KCNJ13: variants seen among roughly 807,000 people sequenced by gnomAD.
KCNJ13 encodes inward rectifier potassium channel 13.
In KCNJ13, 9 loss-of-function variants were observed where a neutral mutation model predicts 24.6. The observed-to-expected ratio is 0.37, with a 90% CI of 0.22 to 0.64. The LOEUF (loss-of-function observed/expected upper bound fraction) is 0.64, where lower values mean the gene tolerates loss of function less well. KCNJ13 is among the 30% of genes least tolerant of loss of function. The pLI is 0.64. For missense variants in KCNJ13, 337 were observed against 443.8 expected, an observed-to-expected ratio of 0.76 and a Z score of 2.16; for synonymous variants, 148 against 154.7, an observed-to-expected ratio of 0.96 and a Z score of 0.32.
chr2:232,775,445 ATTTCT>A (rs1195951153), intron 1 of KCNJ13, among the ~76,000 whole-genome samples: 2 of 152,146 alleles, frequency 1.3e-5, no homozygotes, highest in African/African-American at 4.8e-5. Flanking sequence ...TTCCTATATG[ATTTCT>A]TTTATTTCTG....
intron 1 of KCNJ13, among the ~76,000 whole-genome samples, chr2:232,775,218 T>G (rs775403851): frequency 1.4e-4 from 21 of 152,134 alleles, no homozygotes; most frequent in Non-Finnish European, 2.6e-4. Flanking sequence ...TGGTTTAGTG[T>G]AGAGAACGCA....
Position 232,766,979 on chromosome 2 carries a change from T to C in KCNJ13, c.*1212A>G, listed in dbSNP as rs1040122587. The C allele has an allele frequency of 7.9e-5, 12 of 152,186 alleles. No homozygotes were observed. The highest frequency in any genetic ancestry group is 2.9e-4 in the African/African-American group (12 of 41,450). The allele number at this position is 152,186 out of a possible 1,614,324, so 9.4% of individuals were successfully genotyped here. ...TGTTTTAAGGACAGTTTCTCTTTTT[T>C]TTATTGAAATGAAAATCATGCAAAT... On this transcript the variant is annotated 3_prime_UTR_variant, in exon 3 of 3. Transcript: ENST00000233826.
rs760027526 is a variant in KCNJ13, at chr2:232,771,071, T to C, written c.292A>G (p.Ile98Val). Reference protein sequence around the residue: ...DHDAPPENHTICVKYITSFTA... With the variant: ...DHDAPPENHTVCVKYITSFTA... ...AAACTGGTGATATACTTGACACAGA[T>C]AGTGTGGTTTTCAGGTGGGGCATCA... Residue 98 changes from isoleucine to valine, a missense_variant, in exon 2 of 3, where the codon ATC becomes GTC. This residue lies in a region of KCNJ13 where 101 missense variants were observed against 139.2 expected (regional missense o/e 0.73). Coordinates refer to ENST00000233826, the MANE Select transcript of KCNJ13 (RefSeq NM_002242.4). The C allele has an allele frequency of 1.2e-5, 20 of 1,613,976 alleles. No individual in the cohort carries two copies. The South Asian group carries it at 2.2e-4, about 18-fold the overall frequency.
At position 232,776,435 on chromosome 2, in the gene KCNJ13, A is replaced by G. The variant is rs763743376; in HGVS notation, c.-17+10T>C. The G allele has an allele frequency of 3.1e-6, 5 of 1,600,986 alleles. No homozygotes were observed. Among genetic ancestry groups the G allele is most frequent in the Non-Finnish European group, 4.3e-6 (5 of 1,170,862 alleles). The stretch of plus-strand genomic sequence containing the variant: ...AGGAAAGAAGAATGGATATTATTGC[A>G]TGTACTCACCAGTTCTTTTGCTGGG... On this transcript the variant is annotated intron_variant, in intron 1 of 2. Coordinates refer to ENST00000233826, the MANE Select transcript of KCNJ13 (RefSeq NM_002242.4).
chr2:232,768,695 G>C lies in KCNJ13; in HGVS notation c.579C>G (p.Asn193Lys). ...CACTGGTTAGAGGGCTAGGTCGGGT[G>C]TTGGCCACTTGGAAGATAAGATTAG... is the stretch of plus-strand genomic sequence containing the variant. ...GKPNLIFQVANTRPSPLTSVR... is the reference protein window; with the variant it reads ...GKPNLIFQVAKTRPSPLTSVR... Residue 193 changes from asparagine to lysine, a missense_variant, in exon 3 of 3, where the codon AAC (asparagine) becomes AAG (lysine). This residue lies in a region of KCNJ13 where 235 missense variants were observed against 286.9 expected (regional missense o/e 0.82). Transcript: ENST00000233826. 1 of 1,606,088 alleles carries C rather than the reference G, an allele frequency of 6.2e-7. No homozygotes were observed. Among genetic ancestry groups the C allele is most frequent in the Non-Finnish European group, 8.5e-7 (1 of 1,173,678 alleles).
chr2:232,775,910 A>C (rs189495746), intron 1 of KCNJ13, among the ~76,000 whole-genome samples: 1 of 152,332 alleles, frequency 6.6e-6, no homozygotes, highest in African/African-American at 2.4e-5. Flanking sequence ...AACACTATTG[A>C]GTTCTAACCC....
In KCNJ13 at chr2:232,771,021, C is replaced by G; in HGVS notation, c.342G>C (p.Leu114=). The G allele has an allele frequency of 6.2e-7, 1 of 1,613,954 alleles. No homozygotes were observed. Among genetic ancestry groups the G allele is most frequent in the African/African-American group, 1.3e-5 (1 of 74,982 alleles). ...CATAACCAATTGTGAGTTGTGTCTC[C>G]AGGGAGAAGGAGAATGCAGCTGTGA... ...TSFTAAFSFS[L]ETQLTIGYGT... is the part of the protein sequence containing the mutation. The change falls in exon 2 of 3, where the codon CTG becomes CTC. Residue 114 remains leucine, a synonymous_variant. Coordinates refer to ENST00000233826, the MANE Select transcript of KCNJ13 (RefSeq NM_002242.4).
intron 2 of KCNJ13, 35 bp downstream of exon 2, chr2:232,770,864 TTTTG>T (rs1473386665): frequency 2.0e-6 from 3 of 1,467,416 alleles, no homozygotes; most frequent in Admixed American, 1.7e-5. Flanking sequence ...TTTGTTTTGT[TTTTG>T]TTTTTGTTTT....
rs776619856 is a variant in KCNJ13, at chr2:232,765,870, A to G, written c.*2321T>C. On this transcript the variant is annotated 3_prime_UTR_variant, in exon 3 of 3. Coordinates refer to ENST00000233826, the MANE Select transcript of KCNJ13 (RefSeq NM_002242.4). ...AACGACATGCCTCCAGTTTGTTGAA[A>G]CTGTCATGCTATCTTTATCAGTTTC... 4 of 464,074 alleles carry G rather than the reference A, an allele frequency of 8.6e-6. No individual in the cohort carries two copies. Among genetic ancestry groups the G allele is most frequent in the Non-Finnish European group, 1.8e-5 (4 of 223,252 alleles). The allele number at this position is 464,074 out of a possible 1,614,324, so 28.7% of individuals were successfully genotyped here.
intron 1 of KCNJ13, among the ~76,000 whole-genome samples, chr2:232,773,829 C>T (rs769190009): frequency 7.5e-5 from 11 of 145,836 alleles, no homozygotes; most frequent in Admixed American, 1.4e-4. Context: ...CCCAGCACTT[C>T]GGGAGGCCGA....
At chr2:232,770,031 A>C (rs1699167383) in intron 2 of KCNJ13, among the ~76,000 whole-genome samples, 1 of 152,160 alleles carries the variant, frequency 6.6e-6, no homozygotes, top group Non-Finnish European at 1.5e-5. Flanking sequence ...GTTAGTGCCA[A>C]GAGATACAAG....
rs1272431663 is a variant in KCNJ13 at position 232,766,139 on chromosome 2, G to C, written c.*2052C>G. On this transcript the variant is annotated 3_prime_UTR_variant, in exon 3 of 3. Transcript: ENST00000233826. ...AAACTGTGATTTGAAATAAGTGAAA[G>C]AAACAATGAACAGTCCTCCCAGAAA... Among the ~76,000 whole-genome samples the C allele has an allele frequency of 6.6e-6, 1 of 152,144 alleles. No individual in the cohort carries two copies. Among genetic ancestry groups the C allele is most frequent in the Non-Finnish European group, 1.5e-5 (1 of 67,998 alleles).
chr2:232,770,780 C>G, intron 2 of KCNJ13, 123 bp downstream of exon 2: 2 of 706,648 alleles, frequency 2.8e-6, no homozygotes, highest in Non-Finnish European at 4.8e-6. Context: ...TACCTGCTAT[C>G]AATATAGATA....
intron 1 of KCNJ13, among the ~76,000 whole-genome samples, chr2:232,774,954 T>G (rs1288809930): frequency 1.3e-5 from 2 of 152,230 alleles, no homozygotes; most frequent in Admixed American, 1.3e-4. Flanking sequence ...TTTGTAGCAC[T>G]CTTACTCTAG....
chr2:232,772,637 G>C (rs1341307559), intron 1 of KCNJ13, among the ~76,000 whole-genome samples: 2 of 152,176 alleles, frequency 1.3e-5, no homozygotes, highest in Non-Finnish European at 1.5e-5. Flanking sequence ...AGACTTTAGT[G>C]TAGCAGTTAC....
chr2:232,768,025 A>G lies in KCNJ13; in HGVS notation c.*166T>C. 1.5e-6 allele frequency: 1 copy of G among 660,774 alleles called. No individual in the cohort carries two copies. Among genetic ancestry groups the G allele is most frequent in the East Asian group, 2.7e-5 (1 of 36,734 alleles). The allele number at this position is 660,774 out of a possible 1,614,324, so 40.9% of individuals were successfully genotyped here. A position where few individuals can be genotyped will look rare whatever the true frequency, so the allele number is the denominator to read the frequency against. On this transcript the variant is annotated 3_prime_UTR_variant, in exon 3 of 3. Coordinates refer to ENST00000233826, the MANE Select transcript of KCNJ13 (RefSeq NM_002242.4). ...TTGTAATGTAGAGTGTTATGTTTCC[A>G]GAATGTGTATTGTTAGCTCAGCCAT...
At chr2:232,775,827 T>A (rs1195891023) in intron 1 of KCNJ13, among the ~76,000 whole-genome samples, 2 of 152,242 alleles carry the variant, frequency 1.3e-5, no homozygotes, top group Non-Finnish European at 2.9e-5. Context: ...TATTTGTTCA[T>A]GTCTGGTGTA....
chr2:232,771,751 C>A (rs1013049698), intron 1 of KCNJ13, among the ~76,000 whole-genome samples: 1 of 152,114 alleles, frequency 6.6e-6, no homozygotes, highest in African/African-American at 2.4e-5. Flanking sequence ...TAAAGACTAG[C>A]ATTTCATAGT....
chr2:232,775,842 C>CT (rs1242057810), intron 1 of KCNJ13, among the ~76,000 whole-genome samples: 1 of 152,174 alleles, frequency 6.6e-6, no homozygotes, highest in Non-Finnish European at 1.5e-5. Context: ...GGTGTAAATA[C>CT]TTTAAGACTA....
Sources: allele counts gnomAD v4.1 joint callset (sites outside exome capture counted in the v4.1 genomes callset), GRCh38; gene constraint gnomAD v4.1.1; regional missense constraint gnomAD v4.1.1; transcripts MANE v1.5; gene names NCBI Gene and HGNC (gene_info 2026-07-23, HGNC 2026-07-21).